Variants in SCP2 observed in about 807,000 individuals in gnomAD.
The protein encoded by SCP2 is sterol carrier protein 2, also known as SCP-2/3-oxoacyl-CoA thiolase.
A neutral mutation model predicts 71.4 loss-of-function variants in SCP2; 48 were observed. That is an observed-to-expected ratio of 0.67 (90% CI 0.53 to 0.86). The LOEUF (loss-of-function observed/expected upper bound fraction) is 0.86, where lower values mean the gene tolerates loss of function less well. Among genes scored for constraint, SCP2 ranks in the 40% least tolerant of loss-of-function variants. The pLI, the probability that SCP2 is intolerant of heterozygous loss-of-function variation, is 0.00. For synonymous variants in SCP2, 220 were observed against 218.1 expected (o/e 1.01, Z -0.08); for missense variants, 560 against 655.6 (o/e 0.85, Z 1.59).
chr1:52,971,212 G>A (rs1456325252), intron 6 of SCP2, among the ~76,000 whole-genome samples: 1 of 152,124 alleles, frequency 6.6e-6, no homozygotes, highest in Middle Eastern at 3.4e-3. Context: ...TCCCGACCTC[G>A]TGATCCACCC....
chr1:52,982,626 T>C (rs1658638228), intron 10 of SCP2, among the ~76,000 whole-genome samples: 1 of 152,144 alleles, frequency 6.6e-6, no homozygotes, highest in African/African-American at 2.4e-5. Flanking sequence ...ATAAGAATTA[T>C]AGTATGCCTC....
In SCP2 at chr1:53,005,160, C is replaced by T. The variant is rs188295601; in HGVS notation, c.1082-9730C>T. On this transcript the variant is annotated intron_variant, in intron 11 of 15. Transcript: ENST00000371514. ...CTGGGTGGAGCCCATCGCAGCTCAA[C>T]GAGGCCCGCCTGCCTCTGTAGACTC... 6.5e-3 allele frequency among the ~76,000 whole-genome samples: 989 copies of T among 152,258 alleles called. 15 individuals carry two copies. The highest frequency in any genetic ancestry group is 0.022 in the African/African-American group (916 of 41,544).
chr1:53,020,243 T>C (rs1661626449), intron 12 of SCP2, among the ~76,000 whole-genome samples: 1 of 151,490 alleles, frequency 6.6e-6, no homozygotes, highest in South Asian at 2.1e-4. Flanking sequence ...TTGATCACAC[T>C]ACTGGCTTTG....
intron 5 of SCP2, among the ~76,000 whole-genome samples, chr1:52,960,578 A>G (rs1037857130): frequency 4.1e-5 from 6 of 147,278 alleles, no homozygotes; most frequent in African/African-American, 1.5e-4. Context: ...ATATATATGT[A>G]TATATGTATG....
intron 14 of SCP2, among the ~76,000 whole-genome samples, chr1:53,041,647 C>T (rs1313231015): frequency 6.6e-6 from 1 of 152,036 alleles, no homozygotes; most frequent in East Asian, 1.9e-4. Flanking sequence ...GGATGACCAG[C>T]CTTAGTGTAG....
At chr1:52,946,224 T>A (rs1654778841) in intron 2 of SCP2, among the ~76,000 whole-genome samples, 1 of 152,112 alleles carries the variant, frequency 6.6e-6, no homozygotes, top group Admixed American at 6.6e-5. Flanking sequence ...CCACTATGCC[T>A]GGCCTCTTTT....
chr1:53,035,952 G>A (rs1488108323), intron 13 of SCP2, among the ~76,000 whole-genome samples: 4 of 150,092 alleles, frequency 2.7e-5, no homozygotes, highest in African/African-American at 7.4e-5. Context: ...CCCGGGAGGC[G>A]GAGCTTGCAG....
intron 7 of SCP2, 29 bp from the exon 8 acceptor site, chr1:52,976,654 T>A: frequency 9.0e-7 from 1 of 1,107,034 alleles, no homozygotes. Context: ...TATCTCACAT[T>A]CTGTAACTAA....
At chr1:52,970,726 C>G (rs1657393114) in intron 6 of SCP2, among the ~76,000 whole-genome samples, 1 of 152,032 alleles carries the variant, frequency 6.6e-6, no homozygotes, top group African/African-American at 2.4e-5. Context: ...TATCTCCCCT[C>G]TTCTCTGCAC....
At chr1:52,967,535 C>T (rs1229395608) in intron 6 of SCP2, among the ~76,000 whole-genome samples, 2 of 152,066 alleles carry the variant, frequency 1.3e-5, no homozygotes, top group Non-Finnish European at 2.9e-5. Flanking sequence ...TGGAGTCTTG[C>T]TCTGTTGCCC....
rs1662135600 is a variant in SCP2 at position 53,026,434 on chromosome 1, A to G, written c.1236-1535A>G. ...GAATATAAACTAAGTGAGTGCAAGG[A>G]CTGGGTCTGATCTGTTCACTATCAT... On this transcript the variant is annotated intron_variant, in intron 12 of 15. Transcript: ENST00000371514. 1.3e-5 allele frequency among the ~76,000 whole-genome samples: 2 copies of G among 152,166 alleles called. 1 individual carries two copies. Among genetic ancestry groups the G allele is most frequent in the South Asian group, 4.1e-4 (2 of 4,832 alleles).
chr1:53,001,761 G>C (rs1660332139), intron 11 of SCP2, among the ~76,000 whole-genome samples: 1 of 152,084 alleles, frequency 6.6e-6, no homozygotes, highest in Non-Finnish European at 1.5e-5. Flanking sequence ...AGCTTTTCCT[G>C]TTTCACTGAT....
At chr1:52,993,926 CT>C (rs1351622613) in intron 11 of SCP2, 58 of 1,377,100 alleles carry the variant, frequency 4.2e-5, no homozygotes, top group Non-Finnish European at 5.4e-5. Context: ...CCTATACTAG[CT>C]TTTATCGGTA....
intron 12 of SCP2, among the ~76,000 whole-genome samples, chr1:53,020,623 A>G (rs1661649245): frequency 6.6e-6 from 1 of 152,092 alleles, no homozygotes; most frequent in Admixed American, 6.6e-5. Context: ...TTTATTAATT[A>G]TAAATATTAC....
chr1:53,048,201 C>G (rs1048625080), intron 15 of SCP2: 1 of 414,324 alleles, frequency 2.4e-6, no homozygotes, highest in Admixed American at 3.3e-5. Flanking sequence ...ATCCAAGGTG[C>G]CACACCTGGC....
intron 7 of SCP2, 103 bp downstream of exon 7, chr1:52,974,935 A>G: frequency 2.7e-6 from 2 of 727,496 alleles, no homozygotes; most frequent in Admixed American, 2.0e-5. Flanking sequence ...CAAATATTTT[A>G]ACTAGAATGT....
chr1:52,950,715 C>G, intron 3 of SCP2, 40 bp from the exon 4 acceptor site: 1 of 1,576,548 alleles, frequency 6.3e-7, no homozygotes, highest in Non-Finnish European at 8.7e-7. Context: ...CATTGCAACT[C>G]CATAATTCTC....
intron 7 of SCP2, among the ~76,000 whole-genome samples, chr1:52,975,414 G>A (rs6676238): frequency 0.045 from 6,820 of 152,058 alleles, 541 homozygotes; most frequent in African/African-American, 0.16. Context: ...CTTTGACCTC[G>A]TGATCCACCT....
At chr1:53,020,399 T>G (rs1030041209) in intron 12 of SCP2, among the ~76,000 whole-genome samples, 8 of 152,240 alleles carry the variant, frequency 5.3e-5, no homozygotes, top group African/African-American at 1.9e-4. Flanking sequence ...GCATTTTCCT[T>G]TCTTCTTTCC....
Sources: allele counts gnomAD v4.1 joint callset (sites outside exome capture counted in the v4.1 genomes callset), GRCh38; gene constraint gnomAD v4.1.1; transcripts MANE v1.5; gene names NCBI Gene and HGNC (gene_info 2026-07-23, HGNC 2026-07-21).